The following EPM2A variants were observed in gnomAD, a reference collection of about 807,000 sequenced individuals.
EPM2A encodes laforin.
In EPM2A, 21 loss-of-function variants were observed where a neutral mutation model predicts 26.5. That is an observed-to-expected ratio of 0.79 (90% CI 0.56 to 1.14). The LOEUF (loss-of-function observed/expected upper bound fraction) is 1.14. Among genes scored for constraint, EPM2A ranks in the 50% most tolerant of loss-of-function variants. The probability of loss-of-function intolerance (pLI) is 0.00; values close to 1 mark genes in which losing one functional copy is unlikely to be tolerated. For synonymous variants in EPM2A, 217 were observed against 177.6 expected (o/e 1.22, Z -1.76); for missense variants, 458 against 440.8 (o/e 1.04, Z -0.35).
At chr6:145,458,046 C>A (rs898503632) in intron 4 of EPM2A, among the ~76,000 whole-genome samples, 11 of 152,156 alleles carry the variant, frequency 7.2e-5, no homozygotes, top group Admixed American at 6.5e-4. Flanking sequence ...AATATTAATA[C>A]CCAAATACAG....
intron 2 of EPM2A, among the ~76,000 whole-genome samples, chr6:145,668,831 A>G (rs902977977): frequency 6.6e-6 from 1 of 152,220 alleles, no homozygotes; most frequent in Non-Finnish European, 1.5e-5. Flanking sequence ...AACATCTAAA[A>G]TCTACTTCCT....
intron 4 of EPM2A, among the ~76,000 whole-genome samples, chr6:145,404,167 T>A (rs1289045058): frequency 6.6e-6 from 1 of 152,068 alleles, no homozygotes; most frequent in Non-Finnish European, 1.5e-5. Context: ...TGGTTATGAA[T>A]CCCTTGTCAG....
At chr6:145,588,280 T>C (rs546128412) in intron 2 of EPM2A, among the ~76,000 whole-genome samples, 9 of 152,174 alleles carry the variant, frequency 5.9e-5, no homozygotes, top group Non-Finnish European at 1.3e-4. Context: ...ATGAATACTG[T>C]AGGGAAATAA....
chr6:145,711,755 T>C (rs1775341509), intron 1 of EPM2A, among the ~76,000 whole-genome samples: 1 of 152,134 alleles, frequency 6.6e-6, no homozygotes. Context: ...CATTTTTCAT[T>C]GGACTAATAG....
chr6:145,579,390 A>G (rs981405701), intron 2 of EPM2A, among the ~76,000 whole-genome samples: 5 of 152,212 alleles, frequency 3.3e-5, no homozygotes, highest in African/African-American at 9.6e-5. Context: ...GTACATACAC[A>G]TTAAAGATTG....
intron 3 of EPM2A, chr6:145,628,533 T>G (rs1776001470): frequency 6.6e-6 from 1 of 152,104 alleles, no homozygotes; most frequent in Non-Finnish European, 1.5e-5. Flanking sequence ...AGTACAGAGA[T>G]ATTTTGTAAG....
intron 2 of EPM2A, among the ~76,000 whole-genome samples, chr6:145,583,775 G>A (rs977694901): frequency 6.6e-6 from 1 of 152,150 alleles, no homozygotes; most frequent in Non-Finnish European, 1.5e-5. Flanking sequence ...GTGCCCACAT[G>A]TCAGCAGAGC....
chr6:145,560,142 T>G (rs1780784387), intron 2 of EPM2A, among the ~76,000 whole-genome samples: 1 of 152,016 alleles, frequency 6.6e-6, no homozygotes, highest in South Asian at 2.1e-4. Flanking sequence ...AGGGCAATAG[T>G]GAGGTCAGCA....
chr6:145,720,439 CACTTTAA>C (rs1311078818), intron 1 of EPM2A, among the ~76,000 whole-genome samples: 26 of 152,138 alleles, frequency 1.7e-4, no homozygotes. Flanking sequence ...GTTAAAGCAA[CACTTTAA>C]ACTAATGTCT....
At chr6:145,673,470 G>A (rs773034459) in intron 2 of EPM2A, among the ~76,000 whole-genome samples, 82 of 152,176 alleles carry the variant, frequency 5.4e-4, no homozygotes, top group Non-Finnish European at 6.8e-4. Context: ...GCAGGGCGGC[G>A]CATTGCCTCA....
chr6:145,657,904 C>T (rs890249306), intron 2 of EPM2A, among the ~76,000 whole-genome samples: 1 of 152,184 alleles, frequency 6.6e-6, no homozygotes, highest in African/African-American at 2.4e-5. Flanking sequence ...CTTTGGACTG[C>T]CCTTCAACTT....
chr6:145,434,444 G>A, intron 4 of EPM2A, among the ~76,000 whole-genome samples: 1 of 151,862 alleles, frequency 6.6e-6, no homozygotes. Flanking sequence ...ATGAGTTCTT[G>A]TGAGATCTGG....
At position 145,627,651 on chromosome 6, in the gene EPM2A, G is replaced by A. The variant is rs138798058; in HGVS notation, c.761C>T (p.Ala254Val). 8.1e-6 allele frequency: 13 copies of A among 1,613,980 alleles called. No homozygotes were observed. Among genetic ancestry groups the A allele is most frequent in the Admixed American group, 6.7e-5 (4 of 60,010 alleles). Residue 254 changes from alanine to valine, a missense_variant, in exon 4 of 4, where the codon GCG becomes GTG. Physicochemically the swap from Ala to Val is moderately conservative, Grantham distance 64. Coordinates refer to ENST00000367519, the MANE Select transcript of EPM2A (RefSeq NM_005670.4). ...CACGATGTGTCCCTTCTCCAGCAGC[G>A]CATGCAGCAGGCACACCGCCTGGGG... ...MLPQAVCLLH[A>V]LLEKGHIVYV...
intron 4 of EPM2A, among the ~76,000 whole-genome samples, chr6:145,441,946 A>G (rs573607866): frequency 2.6e-4 from 39 of 152,316 alleles, no homozygotes; most frequent in Admixed American, 5.2e-4. Flanking sequence ...TTTGCTGCTT[A>G]TAAATTTCTT....
At chr6:145,600,622 C>T (rs1582887823) in intron 2 of EPM2A, among the ~76,000 whole-genome samples, 1 of 152,170 alleles carries the variant, frequency 6.6e-6, no homozygotes, top group Non-Finnish European at 1.5e-5. Flanking sequence ...GTTTGTGACA[C>T]TAGGATATTT....
chr6:145,610,799 A>G (rs1414521172), intron 2 of EPM2A, among the ~76,000 whole-genome samples: 1 of 152,186 alleles, frequency 6.6e-6, no homozygotes, highest in African/African-American at 2.4e-5. Flanking sequence ...TAGTGGTCAG[A>G]GCAAAAGTCT....
intron 4 of EPM2A, among the ~76,000 whole-genome samples, chr6:145,494,134 G>T (rs1392757515): frequency 6.6e-6 from 1 of 152,144 alleles, no homozygotes; most frequent in Non-Finnish European, 1.5e-5. Flanking sequence ...AGGTTAGAAG[G>T]CTATTTATTA....
chr6:145,662,920 T>C (rs910442507), intron 2 of EPM2A, among the ~76,000 whole-genome samples: 1 of 152,158 alleles, frequency 6.6e-6, no homozygotes, highest in East Asian at 1.9e-4. Context: ...AAAAAATTGC[T>C]GTCAAAATAC....
intron 2 of EPM2A, among the ~76,000 whole-genome samples, chr6:145,657,754 A>AT (rs1310291153): frequency 1.3e-5 from 2 of 152,200 alleles, no homozygotes; most frequent in African/African-American, 4.8e-5. Flanking sequence ...TACTGTTAAG[A>AT]TTTTCAAGTT....
Sources: gnomAD v4.1 joint callset for allele counts (sites outside exome capture counted in the v4.1 genomes callset) on GRCh38, gnomAD v4.1.1 for gene constraint, MANE v1.5 for transcripts, NCBI Gene and HGNC (gene_info 2026-07-23, HGNC 2026-07-21) for gene names.